PREP: variants seen among roughly 807,000 people sequenced by gnomAD.
The protein encoded by PREP is dJ355L5.1 (prolyl endopeptidase).
In PREP, 29 loss-of-function variants were observed where a neutral mutation model predicts 87.6. The ratio of observed to expected loss-of-function variants is 0.33; its 90% CI spans 0.25 to 0.45. The LOEUF (loss-of-function observed/expected upper bound fraction) is 0.45, where lower values mean the gene tolerates loss of function less well. Ranked by LOEUF, PREP falls within the 20% of genes least tolerant of loss-of-function variation. The pLI is 1.00. For missense variants in PREP, 695 were observed against 886.5 expected, an observed-to-expected ratio of 0.78 and a Z score of 2.74; for synonymous variants, 337 against 328.6, an observed-to-expected ratio of 1.03 and a Z score of -0.28.
At chr6:105,296,936 T>C (rs1372726829) in intron 10 of PREP, among the ~76,000 whole-genome samples, 2 of 152,192 alleles carry the variant, frequency 1.3e-5, no homozygotes, top group African/African-American at 2.4e-5. Context: ...TGCAGGCCCA[T>C]AGCCAGACAT....
At chr6:105,302,812 G>C in intron 10 of PREP, 1 of 428,106 alleles carries the variant, frequency 2.3e-6, no homozygotes, top group East Asian at 6.4e-5. Context: ...CCCGAGACTT[G>C]ATCTTAGCCA....
intron 10 of PREP, among the ~76,000 whole-genome samples, chr6:105,295,739 C>T (rs771927341): frequency 5.9e-5 from 9 of 152,132 alleles, no homozygotes; most frequent in Non-Finnish European, 8.8e-5. Context: ...TAAATGGAAT[C>T]GGGCTAATAC....
At chr6:105,398,600 CATG>C (rs1773345858) in intron 1 of PREP, among the ~76,000 whole-genome samples, 1 of 152,068 alleles carries the variant, frequency 6.6e-6, no homozygotes, top group East Asian at 1.9e-4. Flanking sequence ...TTCAGGTTAC[CATG>C]ATATTGGAAG....
chr6:105,322,670 A>G, intron 10 of PREP: 4 of 992,822 alleles, frequency 4.0e-6, no homozygotes, highest in Non-Finnish European at 4.8e-6. Context: ...ATGTAAACAA[A>G]TGGGCATGTG....
chr6:105,289,036 T>C (rs1272650549), intron 10 of PREP, 142 bp from the exon 11 acceptor site: 2 of 800,120 alleles, frequency 2.5e-6, no homozygotes, highest in Non-Finnish European at 3.8e-6. Flanking sequence ...GGCTATTTGG[T>C]GAAGCACCTT....
intron 6 of PREP, among the ~76,000 whole-genome samples, chr6:105,367,311 T>C (rs965979475): frequency 6.6e-5 from 10 of 151,950 alleles, no homozygotes; most frequent in African/African-American, 2.4e-4. Context: ...AGTCTCCAAA[T>C]AGATCTCAGA....
chr6:105,381,969 T>C (rs1338987360), intron 2 of PREP, among the ~76,000 whole-genome samples: 1 of 152,156 alleles, frequency 6.6e-6, no homozygotes, highest in Non-Finnish European at 1.5e-5. Flanking sequence ...ACTCCTAATG[T>C]CTTCAGAAAA....
chr6:105,351,794 G>C (rs1771959600), intron 7 of PREP, among the ~76,000 whole-genome samples: 1 of 152,196 alleles, frequency 6.6e-6, no homozygotes, highest in Non-Finnish European at 1.5e-5. Context: ...GGTTTGCCCT[G>C]ACAGAGAATG....
At chr6:105,284,659 CT>C (rs1290450479) in intron 12 of PREP, among the ~76,000 whole-genome samples, 6 of 152,136 alleles carry the variant, frequency 3.9e-5, no homozygotes, top group Non-Finnish European at 7.3e-5. Flanking sequence ...TTCCCATGTC[CT>C]CCCTCCCCCA....
At position 105,392,662 on chromosome 6, in the gene PREP, T is replaced by C. The variant is rs1562229002; in HGVS notation, c.120+5191A>G. Among the ~76,000 whole-genome samples, 4 of 152,176 alleles carry C rather than the reference T, an allele frequency of 2.6e-5. No individual in the cohort carries two copies. In the East Asian group the frequency reaches 7.7e-4, roughly 29 times the overall value. On this transcript the variant is annotated intron_variant, in intron 2 of 14. Coordinates refer to ENST00000652536, the MANE Select transcript of PREP (RefSeq NM_002726.5). ...CATGATCTTGGCTCACTGCAACCTC[T>C]GCCTCCTGGGTTCAAGCGATTCTCC...
chr6:105,373,261 T>C, intron 5 of PREP, 108 bp downstream of exon 5: 5 of 1,209,228 alleles, frequency 4.1e-6, no homozygotes, highest in South Asian at 1.4e-5. Flanking sequence ...TGAGGAAACA[T>C]GGTTCTGGAC....
chr6:105,289,942 G>T (rs1770266039), intron 10 of PREP, among the ~76,000 whole-genome samples: 1 of 152,070 alleles, frequency 6.6e-6, no homozygotes, highest in Non-Finnish European at 1.5e-5. Flanking sequence ...AAATAACCAT[G>T]GTGGGGGAAG....
intron 4 of PREP, among the ~76,000 whole-genome samples, chr6:105,375,270 T>C (rs1772661486): frequency 6.6e-6 from 1 of 152,202 alleles, no homozygotes; most frequent in Admixed American, 6.5e-5. Context: ...TCTTATTGAT[T>C]ACAGAGGACT....
At chr6:105,355,631 T>C (rs1402304312) in intron 6 of PREP, among the ~76,000 whole-genome samples, 1 of 152,228 alleles carries the variant, frequency 6.6e-6, no homozygotes, top group Non-Finnish European at 1.5e-5. Context: ...TTGATTTCTG[T>C]ATTTTATCAA....
At position 105,275,921 on chromosome 6, in the gene PREP, A is replaced by C. The variant is rs1562182643; in HGVS notation, c.*2223T>G. Among the ~76,000 whole-genome samples, 1 of 152,348 alleles carries C rather than the reference A, an allele frequency of 6.6e-6. No homozygotes were observed. The highest frequency in any genetic ancestry group is 1.9e-4 in the East Asian group (1 of 5,188). On this transcript the variant is annotated 3_prime_UTR_variant, in exon 15 of 15. Transcript: ENST00000652536. ...GAGGATGAAGAGATTAATGCCTACA[A>C]ATATACAGTTTGAAAGAAGACCTAG...
chr6:105,290,868 GA>G (rs1433724633), intron 10 of PREP, among the ~76,000 whole-genome samples: 4 of 152,204 alleles, frequency 2.6e-5, no homozygotes, highest in African/African-American at 9.7e-5. Flanking sequence ...AGGACATTGT[GA>G]AGATGACTTA....
chr6:105,296,385 GTTTTT>G (rs200889673), intron 10 of PREP, among the ~76,000 whole-genome samples: 1 of 145,462 alleles, frequency 6.9e-6, no homozygotes, highest in Non-Finnish European at 1.5e-5. Flanking sequence ...TACACCAACA[GTTTTT>G]TTTTTTAACT....
intron 10 of PREP, among the ~76,000 whole-genome samples, chr6:105,316,623 C>T (rs1359414642): frequency 7.2e-5 from 11 of 151,980 alleles, no homozygotes; most frequent in Admixed American, 7.2e-4. Context: ...CAAAATAAAA[C>T]GAGTTATGCC....
intron 3 of PREP, 23 bp downstream of exon 3, chr6:105,377,362 GA>G (rs768598795): frequency 1.9e-6 from 3 of 1,574,068 alleles, no homozygotes; most frequent in Non-Finnish European, 2.6e-6. Context: ...AAATAAAAAG[GA>G]AATTCAGTAA....
Sources: gnomAD v4.1 joint callset for allele counts (sites outside exome capture counted in the v4.1 genomes callset) on GRCh38, gnomAD v4.1.1 for gene constraint, MANE v1.5 for transcripts, NCBI Gene and HGNC (gene_info 2026-07-23, HGNC 2026-07-21) for gene names.